The following PARP6 variants were observed in gnomAD, a reference collection of about 807,000 sequenced individuals.
PARP6 encodes poly(ADP-ribose) polymerase family member 6.
In PARP6, 27 loss-of-function variants were observed where a neutral mutation model predicts 92.0. That is an observed-to-expected ratio of 0.29 (90% CI 0.22 to 0.40). The LOEUF (loss-of-function observed/expected upper bound fraction) is 0.40, where lower values mean the gene tolerates loss of function less well. Among genes scored for constraint, PARP6 ranks in the 10% least tolerant of loss-of-function variants. The pLI is 1.00. For synonymous variants in PARP6, 272 were observed against 281.2 expected (o/e 0.97, Z 0.33); for missense variants, 501 against 784.5 (o/e 0.64, Z 4.32).
intron 19 of PARP6, among the ~76,000 whole-genome samples, chr15:72,249,517 C>T (rs1567176258): frequency 6.6e-6 from 1 of 152,358 alleles, no homozygotes; most frequent in Middle Eastern, 3.4e-3. Context: ...TACATACTGA[C>T]ACATTCGAGA....
intron 19 of PARP6, among the ~76,000 whole-genome samples, 170 bp downstream of exon 19, chr15:72,249,849 AC>A (rs919878964): frequency 6.6e-6 from 1 of 152,192 alleles, no homozygotes; most frequent in Admixed American, 6.5e-5. Flanking sequence ...CAAATACACA[AC>A]AGCCACGTTC....
intron 4 of PARP6, among the ~76,000 whole-genome samples, chr15:72,266,338 T>C (rs929060602): frequency 1.3e-5 from 2 of 152,180 alleles, no homozygotes; most frequent in Admixed American, 1.3e-4. Flanking sequence ...TTCCTAAGAT[T>C]GGTTCTAAGT....
chr15:72,241,423 G>T lies in PARP6; in HGVS notation c.*32C>A, dbSNP rs757614123. The T allele has an allele frequency of 2.1e-6, 3 of 1,454,900 alleles. No homozygotes were observed. Among genetic ancestry groups the T allele is most frequent in the Admixed American group, 1.7e-5 (1 of 59,630 alleles). 90.1% of individuals were successfully genotyped at this position (1,454,900 alleles called of 1,614,324 possible). On this transcript the variant is annotated 3_prime_UTR_variant, in exon 24 of 24. Transcript: ENST00000569795. This position sits in a 1 kb window ranked among gnomAD's most constrained non-coding sequence, Gnocchi z 4.1. ...TTTATGAGGGCAGATGGATCCTGGG[G>T]TAACAGGGGTGGTACGAGGGCTGGG...
Position 72,265,139 on chromosome 15 carries a change from C to T in PARP6, c.270G>A (p.Arg90=), listed in dbSNP as rs763960583. Residue 90 remains arginine (R), a synonymous_variant, in exon 7 of 24, where the codon CGG becomes CGA. Transcript: ENST00000569795. ...GCAGCCTCAACACAATAGGTTCTGT[C>T]CGGAGGACCTTCCAGGCTGTAGAGA... ...EEVSTAWKVL[R]TEPIVLRLRF... The T allele has an allele frequency of 1.1e-5, 18 of 1,613,370 alleles. No individual in the cohort carries two copies. Among genetic ancestry groups the T allele is most frequent in the Non-Finnish European group, 1.5e-5 (18 of 1,179,496 alleles).
At chr15:72,250,592 A>C in intron 18 of PARP6, 1 of 483,376 alleles carries the variant, frequency 2.1e-6, no homozygotes, top group South Asian at 2.5e-5. Context: ...TGTTCTCTCC[A>C]ATCTATTTCT....
chr15:72,261,169 G>C (rs1180142790), intron 9 of PARP6, among the ~76,000 whole-genome samples: 6 of 152,118 alleles, frequency 3.9e-5, no homozygotes, highest in African/African-American at 1.4e-4. Flanking sequence ...ACACCACAGG[G>C]GGAAAATGTA....
rs1054668967 is a variant in PARP6, at chr15:72,253,592, A to C, written c.1192-88T>G. On this transcript the variant is annotated intron_variant, in intron 15 of 23. Coordinates refer to ENST00000569795, the MANE Select transcript of PARP6 (RefSeq NM_001323532.2). ...TTTCACAGAGTGACTATTAGGGTCC[A>C]GGGCAAGGTAGGCACCAAAGGCCAC... 1.8e-5 allele frequency: 19 copies of C among 1,074,760 alleles called. No homozygotes were observed. The African/African-American group carries it at 2.8e-4, about 16-fold the overall frequency. 66.6% of individuals were successfully genotyped at this position (1,074,760 alleles called of 1,614,324 possible).
chr15:72,241,290 T>C lies in PARP6; in HGVS notation c.*165A>G. ...GGGCCATCCGAATGTGGAGTAGTTC[T>C]TGGGTCAAGCTCTACCATGAAGGCC... On this transcript the variant is annotated 3_prime_UTR_variant, in exon 24 of 24. Coordinates refer to ENST00000569795, the MANE Select transcript of PARP6 (RefSeq NM_001323532.2). This position sits in a 1 kb window ranked among gnomAD's most constrained non-coding sequence, Gnocchi z 4.1. The C allele has an allele frequency of 1.4e-6, 1 of 700,176 alleles. No homozygotes were observed. The highest frequency in any genetic ancestry group is 2.6e-6 in the Non-Finnish European group (1 of 382,376). The allele number at this position is 700,176 out of a possible 1,614,324, so 43.4% of individuals were successfully genotyped here.
At position 72,259,694 on chromosome 15, in the gene PARP6, C is replaced by T. The variant is rs1184194056; in HGVS notation, c.757-33G>A. ...GAGTAAAAAGACAGACCCCGTGAAC[C>T]TCCTATGAAGCTGGGGCCTAGACAG... On this transcript the variant is annotated intron_variant, in intron 10 of 23. Transcript: ENST00000569795. 3 of 1,605,340 alleles carry T rather than the reference C, an allele frequency of 1.9e-6. No homozygotes were observed. The African/African-American group carries it at 4.0e-5, about 21-fold the overall frequency.
At chr15:72,264,772 G>C in intron 7 of PARP6, 151 bp from the exon 8 acceptor site, 1 of 636,550 alleles carries the variant, frequency 1.6e-6, no homozygotes, top group Admixed American at 3.1e-5. Context: ...ATCTGAGGGA[G>C]AGGGCAGATT....
At chr15:72,245,662 T>C (rs2083517904) in intron 20 of PARP6, 1 of 152,232 alleles carries the variant, frequency 6.6e-6, no homozygotes, top group Non-Finnish European at 1.5e-5. Flanking sequence ...CTAACTCCAA[T>C]AGTAAAATTC....
Position 72,249,988 on chromosome 15 carries a change from T to G in PARP6, c.1491+32A>C, listed in dbSNP as rs367629995. 5 of 1,431,850 alleles carry G rather than the reference T, an allele frequency of 3.5e-6. No homozygotes were observed. The African/African-American group carries it at 4.2e-5, about 12-fold the overall frequency. The allele number at this position is 1,431,850 out of a possible 1,614,324, so 88.7% of individuals were successfully genotyped here. A position where few individuals can be genotyped will look rare whatever the true frequency, so the allele number is the denominator to read the frequency against. On this transcript the variant is annotated intron_variant, in intron 19 of 23. Transcript: ENST00000569795. ...AAAACTGAGTAGGGAAGGGAGCGGTTAGAAATAAAGGAGAAAGGGGCACAG... is the reference window on the plus strand; with the variant it reads ...AAAACTGAGTAGGGAAGGGAGCGGTGAGAAATAAAGGAGAAAGGGGCACAG...
At chr15:72,266,064 A>T (rs945783361) in intron 4 of PARP6, 73 bp from the exon 5 acceptor site, 15 of 1,028,300 alleles carry the variant, frequency 1.5e-5, no homozygotes, top group Middle Eastern at 2.2e-4. Flanking sequence ...AATAAAAAGA[A>T]TATGAAAAGA....
Position 72,249,333 on chromosome 15 carries a change from G to GCTC in PARP6, c.1492-20_1492-19insGAG. On this transcript the variant is annotated intron_variant, in intron 19 of 23. Coordinates refer to ENST00000569795, the MANE Select transcript of PARP6 (RefSeq NM_001323532.2). ...CATGCAGCTTGCAGGGAAACACCAG[G>GCTC]ATGAGTAATATGAGCCTGGGCCCTC... 1 of 1,522,890 alleles carries GCTC rather than the reference G, an allele frequency of 6.6e-7. No individual in the cohort carries two copies. The highest frequency in any genetic ancestry group is 9.1e-7 in the Non-Finnish European group (1 of 1,103,674). The allele number at this position is 1,522,890 out of a possible 1,614,324, so 94.3% of individuals were successfully genotyped here.
chr15:72,258,555 G>A (rs1052249434), intron 11 of PARP6, among the ~76,000 whole-genome samples: 6 of 152,178 alleles, frequency 3.9e-5, no homozygotes, highest in African/African-American at 1.4e-4. Flanking sequence ...GTAATTATAG[G>A]CTGTCCCTCT....
Position 72,264,542 on chromosome 15 carries a change from C to G in PARP6, c.395+13G>C, listed in dbSNP as rs369770975. On this transcript the variant is annotated intron_variant, in intron 8 of 23. Coordinates refer to ENST00000569795, the MANE Select transcript of PARP6 (RefSeq NM_001323532.2). Reference sequence around the variant, plus strand: ...TTCACATGTCCATGACCAGAAAAGACCAAAGTTCTTACTTTTTCAACTGAA... The same window carrying G: ...TTCACATGTCCATGACCAGAAAAGAGCAAAGTTCTTACTTTTTCAACTGAA... The G allele has an allele frequency of 4.2e-5, 67 of 1,608,250 alleles. No homozygotes were observed. The highest frequency in any genetic ancestry group is 5.1e-5 in the Non-Finnish European group (60 of 1,175,114).
At chr15:72,260,203 C>T (rs1176154330) in intron 10 of PARP6, among the ~76,000 whole-genome samples, 1 of 152,156 alleles carries the variant, frequency 6.6e-6, no homozygotes, top group African/African-American at 2.4e-5. Flanking sequence ...CCTATAGTCC[C>T]AGCTACTTGA....
At chr15:72,243,054 T>C in intron 20 of PARP6, 1 of 235,820 alleles carries the variant, frequency 4.2e-6, no homozygotes, top group East Asian at 9.9e-5. Context: ...AGTAATAGGA[T>C]ACAGAAGGCC....
intron 2 of PARP6, among the ~76,000 whole-genome samples, chr15:72,268,552 G>A (rs1053375152): frequency 6.6e-6 from 1 of 152,218 alleles, no homozygotes; most frequent in African/African-American, 2.4e-5. Context: ...TACAAACTTA[G>A]CTGGGTGTGG....
Sources: gnomAD v4.1 joint callset for allele counts (sites outside exome capture counted in the v4.1 genomes callset) on GRCh38, gnomAD v4.1.1 for gene constraint, Gnocchi (gnomAD v3.1) non-coding constraint, MANE v1.5 for transcripts, NCBI Gene and HGNC (gene_info 2026-07-23, HGNC 2026-07-21) for gene names.